BMP1: variants seen among roughly 807,000 people sequenced by gnomAD.
BMP1 encodes the protein mammalian tolloid protein.
A neutral mutation model predicts 116.8 loss-of-function variants in BMP1; 63 were observed. The ratio of observed to expected loss-of-function variants is 0.54; its 90% CI spans 0.44 to 0.67. The LOEUF is 0.67. BMP1 is among the 30% of genes least tolerant of loss of function. BMP1 has a pLI of 0.00. For missense variants in BMP1, 1,183 were observed against 1,358.9 expected, an observed-to-expected ratio of 0.87 and a Z score of 2.04; for synonymous variants, 536 against 533.4, an observed-to-expected ratio of 1.00 and a Z score of -0.07.
At chr8:22,186,537 G>A (rs11991518) in intron 8 of BMP1, among the ~76,000 whole-genome samples, 8,816 of 151,850 alleles carry the variant, frequency 0.058, 744 homozygotes, top group African/African-American at 0.19. Flanking sequence ...GCATGATCTC[G>A]GCTTACTGCA....
Position 22,209,717 on chromosome 8 carries a change from C to T in BMP1, c.2826+22C>T, listed in dbSNP as rs777565805. ...AGGGGTGAGGCCCCCACCCCTCGCCCTCCTGGCCCCATGCCCCACGCCCCA... is the reference window on the plus strand; with the variant it reads ...AGGGGTGAGGCCCCCACCCCTCGCCTTCCTGGCCCCATGCCCCACGCCCCA... On this transcript the variant is annotated intron_variant, in intron 19 of 19. Coordinates refer to ENST00000306385, the MANE Select transcript of BMP1 (RefSeq NM_006129.5). 3 of 1,609,382 alleles carry T rather than the reference C, an allele frequency of 1.9e-6. No homozygotes were observed. In the Admixed American group the frequency reaches 5.0e-5, roughly 27 times the overall value.
chr8:22,194,984 C>T lies in BMP1; in HGVS notation c.1639+65C>T. The T allele has an allele frequency of 6.7e-7, 1 of 1,483,834 alleles. No individual in the cohort carries two copies. The highest frequency in any genetic ancestry group is 9.2e-7 in the Non-Finnish European group (1 of 1,092,776). The allele number at this position is 1,483,834 out of a possible 1,614,324, so 91.9% of individuals were successfully genotyped here. A position where few individuals can be genotyped will look rare whatever the true frequency, so the allele number is the denominator to read the frequency against. ...GTGACCTTCATCCCTTCTTCACTCA[C>T]TCATTCAACACGGAGACTCCAGGAG... On this transcript the variant is annotated intron_variant, in intron 12 of 19. Coordinates refer to ENST00000306385, the MANE Select transcript of BMP1 (RefSeq NM_006129.5). This position sits in a 1 kb window ranked among gnomAD's most constrained non-coding sequence, Gnocchi z 4.5.
chr8:22,191,471 C>T (rs546079292), intron 8 of BMP1, among the ~76,000 whole-genome samples: 9 of 152,274 alleles, frequency 5.9e-5, no homozygotes, highest in East Asian at 1.9e-4. Context: ...GGCACAGTGA[C>T]GCACTCCTGT....
chr8:22,201,645 G>T (rs750563436), intron 15 of BMP1, 158 bp from the exon 16 acceptor site: 3 of 1,383,834 alleles, frequency 2.2e-6, no homozygotes, highest in African/African-American at 2.9e-5. Context: ...CCCCCTTGTC[G>T]CCTGGCCTCC....
chr8:22,210,087 G>A (rs1180536599), intron 19 of BMP1, among the ~76,000 whole-genome samples: 2 of 152,382 alleles, frequency 1.3e-5, no homozygotes, highest in Non-Finnish European at 2.9e-5. Context: ...GGGACAGGGC[G>A]CCTGAGCGGA....
intron 9 of BMP1, 62 bp downstream of exon 9, chr8:22,192,213 C>A: frequency 7.0e-7 from 1 of 1,425,680 alleles, no homozygotes; most frequent in African/African-American, 1.4e-5. Context: ...CCACCCTCAT[C>A]ACACTCTTCA....
Position 22,195,538 on chromosome 8 carries a change from C to T in BMP1, c.1716C>T (p.Cys572=), listed in dbSNP as rs775608743. 1.2e-6 allele frequency: 2 copies of T among 1,612,604 alleles called. No homozygotes were observed. The highest frequency in any genetic ancestry group is 4.5e-5 in the East Asian group (2 of 44,772). Residue 572 remains cysteine (C), a synonymous_variant, in exon 13 of 20, where the codon TGC becomes TGT. Transcript: ENST00000306385. ...TCAACACCCTGGGCAGCTACAAGTG[C>T]AGCTGTGACCCCGGGTACGAGCTGG... is the stretch of plus-strand genomic sequence containing the variant. ...RCLNTLGSYK[C]SCDPGYELAP...
At chr8:22,205,358 G>T (rs535083390) in intron 16 of BMP1, among the ~76,000 whole-genome samples, 1 of 152,214 alleles carries the variant, frequency 6.6e-6, no homozygotes, top group African/African-American at 2.4e-5. Flanking sequence ...CAGAGCCGGG[G>T]ATGCAGGGCC....
chr8:22,180,847 C>T (rs1828599773), intron 8 of BMP1, among the ~76,000 whole-genome samples: 1 of 152,198 alleles, frequency 6.6e-6, no homozygotes, highest in African/African-American at 2.4e-5. Context: ...GGTTAAGTAA[C>T]TTGCCCAAGG....
rs577395489 is a variant in BMP1 at position 22,168,871 on chromosome 8, G to A, written c.148+3318G>A. Among the ~76,000 whole-genome samples the A allele has an allele frequency of 1.4e-4, 22 of 152,220 alleles. No homozygotes were observed. In the East Asian group the frequency reaches 2.5e-3, roughly 17 times the overall value. On this transcript the variant is annotated intron_variant, in intron 1 of 19. Coordinates refer to ENST00000306385, the MANE Select transcript of BMP1 (RefSeq NM_006129.5). ...GGCAGTGGGGTTCCCCAGGAAGAAG[G>A]GATTCTTAAGAAGTCTAGGCAGGGG...
intron 16 of BMP1, among the ~76,000 whole-genome samples, chr8:22,203,040 T>C (rs75385152): frequency 0.04 from 6,131 of 151,834 alleles, 159 homozygotes; most frequent in Middle Eastern, 0.068. Flanking sequence ...TAAAGCAAAA[T>C]AAAAACAGCT....
rs531605451 is a variant in BMP1, at chr8:22,180,459, C to T, written c.1053C>T (p.Arg351=). ...GYSAHMHCVW[R]ISVTPGEKII... ...CTGCTCACATGCACTGCGTGTGGCG[C>T]ATCTCTGTCACACCCGGGGAGAAGG... Residue 351 remains arginine (R), a synonymous_variant, in exon 8 of 20, where the codon CGC becomes CGT. Coordinates refer to ENST00000306385, the MANE Select transcript of BMP1 (RefSeq NM_006129.5). 1.1e-5 allele frequency: 18 copies of T among 1,613,952 alleles called. No individual in the cohort carries two copies. The highest frequency in any genetic ancestry group is 2.2e-5 in the East Asian group (1 of 44,878).
chr8:22,169,594 T>C (rs1828218000), intron 1 of BMP1: 1 of 152,236 alleles, frequency 6.6e-6, no homozygotes, highest in Non-Finnish European at 1.5e-5. Flanking sequence ...TCTGCAGAAG[T>C]GTTCACATGT....
In BMP1 at chr8:22,177,895, G is replaced by A. The variant is rs1401022794; in HGVS notation, c.774G>A (p.Glu258=). 6.2e-7 allele frequency: 1 copy of A among 1,613,760 alleles called. No homozygotes were observed. Among genetic ancestry groups the A allele is most frequent in the East Asian group, 2.2e-5 (1 of 44,872 alleles). ...TGAAGATGGAGCCTCAGGAGGTGGAGTCCCTGGGGGAGACCTATGACTTCG... is the reference window on the plus strand; with the variant it reads ...TGAAGATGGAGCCTCAGGAGGTGGAATCCCTGGGGGAGACCTATGACTTCG... ...NFLKMEPQEV[E]SLGETYDFDS... The change falls in exon 6 of 20, where the codon GAG becomes GAA. Residue 258 remains glutamate, a synonymous_variant. Transcript: ENST00000306385.
At chr8:22,180,523 C>A (rs140177900) in intron 8 of BMP1, 40 bp downstream of exon 8, 4 of 1,564,898 alleles carry the variant, frequency 2.6e-6, no homozygotes, top group African/African-American at 1.4e-5. Context: ...CCCTCCCCTG[C>A]GGGTCCCCAT....
chr8:22,191,388 G>T (rs1241860504), intron 8 of BMP1, among the ~76,000 whole-genome samples: 1 of 152,216 alleles, frequency 6.6e-6, no homozygotes, highest in Non-Finnish European at 1.5e-5. Flanking sequence ...GACGGATTCA[G>T]ATCTGGTGTC....
At chr8:22,206,456 C>T (rs1477108479) in intron 16 of BMP1, among the ~76,000 whole-genome samples, 1 of 149,040 alleles carries the variant, frequency 6.7e-6, no homozygotes, top group South Asian at 2.1e-4. Flanking sequence ...GAGCCGAGAT[C>T]ACACCACTGC....
chr8:22,196,904 G>T, intron 14 of BMP1, 64 bp downstream of exon 14: 2 of 1,539,880 alleles, frequency 1.3e-6, no homozygotes, highest in Non-Finnish European at 8.8e-7. Context: ...TCAGCTCAGT[G>T]CCTGCTTCCT....
chr8:22,175,188 A>G (rs939137527), intron 2 of BMP1, among the ~76,000 whole-genome samples: 1 of 152,222 alleles, frequency 6.6e-6, no homozygotes, highest in Admixed American at 6.5e-5. Context: ...ACTTTGGCCA[A>G]ACCTTTGGCC....
Sources: gnomAD v4.1 joint callset for allele counts (sites outside exome capture counted in the v4.1 genomes callset) on GRCh38, gnomAD v4.1.1 for gene constraint, Gnocchi (gnomAD v3.1) non-coding constraint, MANE v1.5 for transcripts, NCBI Gene and HGNC (gene_info 2026-07-23, HGNC 2026-07-21) for gene names.